The following PCDH15 variants were observed in gnomAD, a reference collection of about 807,000 sequenced individuals.
PCDH15 encodes protocadherin-15.
In PCDH15, 129 loss-of-function variants were observed where a neutral mutation model predicts 178.5. The observed-to-expected ratio is 0.72, with a 90% CI of 0.63 to 0.84. PCDH15 has a LOEUF of 0.84. PCDH15 is among the 40% of genes least tolerant of loss of function. The probability of loss-of-function intolerance (pLI) is 0.00; values close to 1 mark genes in which losing one functional copy is unlikely to be tolerated. For missense variants in PCDH15, 2,230 were observed against 2,099.9 expected, an observed-to-expected ratio of 1.06 and a Z score of -1.21; for synonymous variants, 800 against 732.0, an observed-to-expected ratio of 1.09 and a Z score of -1.50.
At chr10:54,039,795 G>A (rs115968291) in intron 18 of PCDH15, among the ~76,000 whole-genome samples, 2 of 151,966 alleles carry the variant, frequency 1.3e-5, no homozygotes, top group Non-Finnish European at 2.9e-5. Flanking sequence ...TTGGGACTCT[G>A]TTGCCTCTCT....
At chr10:54,661,603 C>A (rs1285810791) in intron 2 of PCDH15, among the ~76,000 whole-genome samples, 1 of 151,674 alleles carries the variant, frequency 6.6e-6, no homozygotes, top group Non-Finnish European at 1.5e-5. Flanking sequence ...CAAAGCAATC[C>A]TAAGAAGAAA....
At chr10:53,884,915 T>C (rs2080984104) in intron 26 of PCDH15, among the ~76,000 whole-genome samples, 1 of 152,202 alleles carries the variant, frequency 6.6e-6, no homozygotes, top group African/African-American at 2.4e-5. Flanking sequence ...TCATGATGAT[T>C]ACTAACATAA....
intron 1 of PCDH15, among the ~76,000 whole-genome samples, chr10:54,787,307 T>A (rs182958668): frequency 6.6e-6 from 1 of 152,070 alleles, no homozygotes; most frequent in African/African-American, 2.4e-5. Context: ...CATCTTAATG[T>A]ATGCTTTGTG....
intron 3 of PCDH15, among the ~76,000 whole-genome samples, chr10:54,888,470 T>G (rs1954401404): frequency 6.6e-6 from 1 of 152,028 alleles, no homozygotes; most frequent in African/African-American, 2.4e-5. Context: ...GGTTTTATTA[T>G]TTTGGTGCTA....
At chr10:54,645,388 A>G (rs1258721534) in intron 2 of PCDH15, among the ~76,000 whole-genome samples, 1 of 152,214 alleles carries the variant, frequency 6.6e-6, no homozygotes, top group Non-Finnish European at 1.5e-5. Context: ...TATTACAAGA[A>G]AATGAAGAAT....
chr10:55,074,386 G>A (rs755870721), intron 2 of PCDH15, among the ~76,000 whole-genome samples: 79 of 151,934 alleles, frequency 5.2e-4, no homozygotes, highest in Non-Finnish European at 1.9e-4. Context: ...TGTTTCTTGA[G>A]CTTTTAATAA....
chr10:54,215,218 CAG>C (rs1450590326), intron 9 of PCDH15, among the ~76,000 whole-genome samples: 2 of 151,970 alleles, frequency 1.3e-5, no homozygotes, highest in Non-Finnish European at 2.9e-5. Flanking sequence ...CAATCTGAAA[CAG>C]AGCTTTTATT....
At chr10:53,942,423 T>G (rs2086150090) in intron 23 of PCDH15, among the ~76,000 whole-genome samples, 1 of 152,224 alleles carries the variant, frequency 6.6e-6, no homozygotes, top group East Asian at 1.9e-4. Flanking sequence ...TAACCAACTC[T>G]GGTCAATGGG....
At chr10:55,463,348 C>T (rs1372348731) in intron 2 of PCDH15, among the ~76,000 whole-genome samples, 1 of 151,908 alleles carries the variant, frequency 6.6e-6, no homozygotes, top group African/African-American at 2.4e-5. Context: ...GCCTATGAGG[C>T]ATAACAAAAA....
chr10:54,770,956 C>T (rs546055191), intron 1 of PCDH15, among the ~76,000 whole-genome samples: 3 of 151,892 alleles, frequency 2.0e-5, no homozygotes, highest in Non-Finnish European at 4.4e-5. Context: ...TTGGCTTTTG[C>T]AAAAGTATTA....
At chr10:55,452,843 C>T (rs1589040771) in intron 2 of PCDH15, among the ~76,000 whole-genome samples, 2 of 152,222 alleles carry the variant, frequency 1.3e-5, no homozygotes, top group East Asian at 3.9e-4. Context: ...TAAAGGATGT[C>T]AGACAATAAA....
chr10:55,081,971 A>G (rs1842050216), intron 2 of PCDH15, among the ~76,000 whole-genome samples: 1 of 152,134 alleles, frequency 6.6e-6, no homozygotes, highest in Admixed American at 6.6e-5. Flanking sequence ...CTACATGATA[A>G]TAGTTGGAGA....
At chr10:54,790,982 C>T (rs1023085273) in intron 1 of PCDH15, among the ~76,000 whole-genome samples, 2 of 151,666 alleles carry the variant, frequency 1.3e-5, no homozygotes, top group African/African-American at 4.8e-5. Context: ...AATATTAAGA[C>T]CCACAAACAA....
chr10:55,467,349 A>G (rs1450566821), intron 2 of PCDH15, among the ~76,000 whole-genome samples: 1 of 151,142 alleles, frequency 6.6e-6, no homozygotes, highest in Non-Finnish European at 1.5e-5. Context: ...ACAGGAGGAA[A>G]AGAAAAGCCT....
chr10:54,888,852 GAT>G (rs748852695), intron 3 of PCDH15, among the ~76,000 whole-genome samples: 1 of 147,692 alleles, frequency 6.8e-6, no homozygotes, highest in Admixed American at 6.8e-5. Flanking sequence ...CATGCTAAAT[GAT>G]ATATGTCTTT....
intron 18 of PCDH15, among the ~76,000 whole-genome samples, chr10:54,039,515 A>T (rs1335717565): frequency 6.6e-6 from 1 of 151,974 alleles, no homozygotes; most frequent in Non-Finnish European, 1.5e-5. Context: ...ACTCTGTGGC[A>T]AGCTAGTCTG....
intron 2 of PCDH15, among the ~76,000 whole-genome samples, chr10:55,600,413 C>T (rs754561863): frequency 4.6e-5 from 7 of 151,806 alleles, no homozygotes; most frequent in African/African-American, 9.7e-5. Flanking sequence ...ATTCAACCTC[C>T]GAAACGACTT....
intron 2 of PCDH15, among the ~76,000 whole-genome samples, chr10:54,659,088 C>T (rs2094452067): frequency 6.6e-6 from 1 of 151,770 alleles, no homozygotes; most frequent in South Asian, 2.1e-4. Flanking sequence ...ATATATGCAC[C>T]CAACACCATA....
chr10:54,959,798 T>A (rs755103213), intron 2 of PCDH15, among the ~76,000 whole-genome samples: 7 of 152,050 alleles, frequency 4.6e-5, no homozygotes, highest in Admixed American at 1.3e-4. Context: ...AATTGTCCAG[T>A]TTTCTTGTAT....
Sources: allele counts gnomAD v4.1 joint callset (sites outside exome capture counted in the v4.1 genomes callset), GRCh38; gene constraint gnomAD v4.1.1; transcripts MANE v1.5; gene names NCBI Gene and HGNC (gene_info 2026-07-23, HGNC 2026-07-21).